The following KIF14 variants were observed in gnomAD, a reference collection of about 807,000 sequenced individuals.
The protein encoded by KIF14 is kinesin-like protein KIF14.
A neutral mutation model predicts 176.2 loss-of-function variants in KIF14; 98 were observed. The ratio of observed to expected loss-of-function variants is 0.56; its 90% CI spans 0.47 to 0.66. The LOEUF (loss-of-function observed/expected upper bound fraction) is 0.66. KIF14 is among the 30% of genes least tolerant of loss of function. The probability of loss-of-function intolerance (pLI) is 0.00; values close to 1 mark genes in which losing one functional copy is unlikely to be tolerated. For synonymous variants in KIF14, 566 were observed against 632.2 expected (o/e 0.90, Z 1.57); for missense variants, 1,751 against 1,920.4 (o/e 0.91, Z 1.65).
intron 19 of KIF14, among the ~76,000 whole-genome samples, chr1:200,581,761 C>CTTTTTTTTTTTTTT (rs66935478): frequency 1.2e-5 from 1 of 83,048 alleles, no homozygotes; most frequent in African/African-American, 4.8e-5. Context: ...TTTCACTTTC[C>CTTTTTTTTTTTTTT]TTTTTTTTTT....
intron 14 of KIF14, among the ~76,000 whole-genome samples, chr1:200,596,699 A>G (rs576790116): frequency 6.7e-6 from 1 of 149,142 alleles, no homozygotes; most frequent in South Asian, 2.1e-4. Context: ...CAAGTAGCTG[A>G]GACTATAGGT....
chr1:200,616,315 C>G (rs1052405667), intron 2 of KIF14, among the ~76,000 whole-genome samples: 2 of 152,166 alleles, frequency 1.3e-5, no homozygotes, highest in African/African-American at 4.8e-5. Flanking sequence ...AGTACTCTAC[C>G]CTGGCCCTGC....
At chr1:200,572,608 G>T (rs561119786) in intron 22 of KIF14, among the ~76,000 whole-genome samples, 2 of 152,300 alleles carry the variant, frequency 1.3e-5, no homozygotes, top group South Asian at 2.1e-4. Flanking sequence ...CTCCCAAAGT[G>T]CTGGGATTAC....
chr1:200,566,811 C>T (rs982721900), intron 23 of KIF14, among the ~76,000 whole-genome samples: 1 of 151,950 alleles, frequency 6.6e-6, no homozygotes, highest in Non-Finnish European at 1.5e-5. Context: ...AAAACAATGA[C>T]AGTTACATAA....
rs1439578182 is a variant in KIF14 at position 200,617,839 on chromosome 1, C to G, written c.885G>C (p.Gln295His). The G allele has an allele frequency of 6.2e-7, 1 of 1,614,156 alleles. No homozygotes were observed. Among genetic ancestry groups the G allele is most frequent in the Admixed American group, 1.7e-5 (1 of 60,026 alleles). ...HKLTTKCSLP[Q>H]LKSPAPSILK... ...GTATTGATGGAGCTGGGCTCTTAAG[C>G]TGAGGCAGGCTGCACTTTGTTGTCA... The change falls in exon 2 of 30, where the codon CAG becomes CAC. Residue 295 changes from glutamine to histidine, a missense_variant. Gln to His is a conservative substitution (Grantham distance 24, BLOSUM62 0). Coordinates refer to ENST00000367350, the MANE Select transcript of KIF14 (RefSeq NM_014875.3).
In KIF14 at chr1:200,589,264, A is replaced by G. The variant is rs1216401634; in HGVS notation, c.3067T>C (p.Tyr1023His). 6 of 1,611,446 alleles carry G rather than the reference A, an allele frequency of 3.7e-6. No individual in the cohort carries two copies. The highest frequency in any genetic ancestry group is 5.1e-6 in the Non-Finnish European group (6 of 1,178,224). The change falls in exon 18 of 30, where the codon TAT becomes CAT. Residue 1023 changes from tyrosine to histidine, a missense_variant. Coordinates refer to ENST00000367350, the MANE Select transcript of KIF14 (RefSeq NM_014875.3). The part of the protein sequence containing the change: ...KAKQHLEQEI[Y>H]VNKKRLEMET... ...ATTTCTAATCGCTTTTTGTTGACATATATTTCCTGTTCAAGATGCTGCTTT... is the reference window on the plus strand; with the variant it reads ...ATTTCTAATCGCTTTTTGTTGACATGTATTTCCTGTTCAAGATGCTGCTTT...
At chr1:200,586,453 G>A (rs537936579) in intron 18 of KIF14, among the ~76,000 whole-genome samples, 13 of 152,010 alleles carry the variant, frequency 8.6e-5, no homozygotes, top group East Asian at 3.9e-4. Flanking sequence ...TTTACAGTAC[G>A]TTTTATTAAG....
intron 14 of KIF14, 107 bp downstream of exon 14, chr1:200,598,130 A>G: frequency 1.1e-6 from 1 of 947,094 alleles, no homozygotes; most frequent in Non-Finnish European, 1.6e-6. Flanking sequence ...GGGTTTGAAG[A>G]ATTCTACCAA....
chr1:200,611,051 C>T (rs1350991654), intron 4 of KIF14, among the ~76,000 whole-genome samples: 3 of 152,142 alleles, frequency 2.0e-5, no homozygotes, highest in Non-Finnish European at 4.4e-5. Context: ...GTGGGCTGAG[C>T]TTCTCCTCCT....
chr1:200,575,540 CACACAT>C (rs746340590), intron 22 of KIF14, 45 bp downstream of exon 22: 47 of 940,172 alleles, frequency 5.0e-5, no homozygotes, highest in African/African-American at 2.9e-4. Flanking sequence ...CACACACACA[CACACAT>C]GCACACACAA....
intron 23 of KIF14, among the ~76,000 whole-genome samples, chr1:200,566,942 AGGTG>A (rs1657488345): frequency 6.6e-6 from 1 of 151,964 alleles, no homozygotes; most frequent in Non-Finnish European, 1.5e-5. Context: ...TGGGAGGCCA[AGGTG>A]GGTGGATCAC....
At chr1:200,603,491 G>A (rs1285295454) in intron 9 of KIF14, 150 bp from the exon 10 acceptor site, 8 of 578,270 alleles carry the variant, frequency 1.4e-5, no homozygotes, top group Non-Finnish European at 2.5e-5. Flanking sequence ...CTGTTGCCCA[G>A]GCTGGAGTGC....
rs564154537 is a variant in KIF14 at position 200,575,764 on chromosome 1, T to C, written c.3466-73A>G. ...TGTTTAGCAACTAAGAAAAAAAAGATTAAATCCTTTGTTACATTTAAACCA... is the reference window on the plus strand; with the variant it reads ...TGTTTAGCAACTAAGAAAAAAAAGACTAAATCCTTTGTTACATTTAAACCA... On this transcript the variant is annotated intron_variant, in intron 21 of 29. Transcript: ENST00000367350. 7.8e-6 allele frequency: 6 copies of C among 772,116 alleles called. No homozygotes were observed. The East Asian group carries it at 1.4e-4, about 18-fold the overall frequency. 47.8% of individuals were successfully genotyped at this position (772,116 alleles called of 1,614,324 possible).
Position 200,555,387 on chromosome 1 carries a change from G to A in KIF14, c.4421C>T (p.Ser1474Leu), listed in dbSNP as rs1171587667. Residue 1474 changes from serine to leucine, a missense_variant, in exon 28 of 30, where the codon TCG becomes TTG. Physicochemically the swap from Ser to Leu is moderately radical, Grantham distance 145. Transcript: ENST00000367350. Reference protein sequence around the residue: ...IRSLENIFAESKIKSFRRQVQ... With the variant: ...IRSLENIFAELKIKSFRRQVQ... ...ATTTAAAGCTTCTCTTACAATTTTC[G>A]ATTCAGCAAAGATGTTTTCAAGAGA... 8.9e-6 allele frequency: 14 copies of A among 1,570,044 alleles called. No homozygotes were observed. Among genetic ancestry groups the A allele is most frequent in the Admixed American group, 1.8e-5 (1 of 54,138 alleles).
chr1:200,614,432 G>T, intron 3 of KIF14, 27 bp from the exon 4 acceptor site: 2 of 1,318,672 alleles, frequency 1.5e-6, no homozygotes, highest in Non-Finnish European at 2.2e-6. Flanking sequence ...GAATAAGGGG[G>T]AAATAAAACT....
rs1222444724 is a variant in KIF14, at chr1:200,601,911, C to T, written c.2137G>A (p.Ala713Thr). The change falls in exon 11 of 30, where the codon GCT (alanine) becomes ACT (threonine). Residue 713 changes from alanine (A) to threonine (T), a missense_variant. Ala to Thr is a moderately conservative substitution (Grantham distance 58). Coordinates refer to ENST00000367350, the MANE Select transcript of KIF14 (RefSeq NM_014875.3). The part of the protein sequence containing the change: ...NIAKVNEDMN[A>T]KLIRELKAEI... ...AAATATTCACCTCTAATTAACTTAGCGTTCATATCTTCATTTACTTTAGCA... is the reference window on the plus strand; with the variant it reads ...AAATATTCACCTCTAATTAACTTAGTGTTCATATCTTCATTTACTTTAGCA... 9.3e-6 allele frequency: 15 copies of T among 1,606,434 alleles called. No individual in the cohort carries two copies. Among genetic ancestry groups the T allele is most frequent in the Non-Finnish European group, 1.2e-5 (14 of 1,176,662 alleles).
chr1:200,596,300 G>A (rs1380972193), intron 14 of KIF14, among the ~76,000 whole-genome samples: 1 of 152,062 alleles, frequency 6.6e-6, no homozygotes, highest in African/African-American at 2.4e-5. Flanking sequence ...TTACGACCAT[G>A]GGGTATTAGT....
chr1:200,567,916 A>G (rs776174433), intron 23 of KIF14, among the ~76,000 whole-genome samples: 23 of 152,090 alleles, frequency 1.5e-4, no homozygotes, highest in Non-Finnish European at 3.1e-4. Context: ...TTATGATGAT[A>G]ATGACTATAG....
intron 25 of KIF14, 83 bp from the exon 26 acceptor site, chr1:200,560,963 G>T: frequency 7.8e-7 from 1 of 1,274,460 alleles, no homozygotes; most frequent in Non-Finnish European, 1.1e-6. Context: ...GGGCACAGCG[G>T]CTCACGCCTG....
Sources: allele counts gnomAD v4.1 joint callset (sites outside exome capture counted in the v4.1 genomes callset), GRCh38; gene constraint gnomAD v4.1.1; transcripts MANE v1.5; gene names NCBI Gene and HGNC (gene_info 2026-07-23, HGNC 2026-07-21).